Variants in CNTN5 observed in about 807,000 individuals in gnomAD.
CNTN5 encodes the protein contactin-5.
A neutral mutation model predicts 129.1 loss-of-function variants in CNTN5; 77 were observed. The observed-to-expected ratio is 0.60, with a 90% CI of 0.50 to 0.72. The LOEUF (loss-of-function observed/expected upper bound fraction) is 0.72, where lower values mean the gene tolerates loss of function less well. Among genes scored for constraint, CNTN5 ranks in the 30% least tolerant of loss-of-function variants. The pLI is 0.00. For synonymous variants in CNTN5, 509 were observed against 465.6 expected, an observed-to-expected ratio of 1.09 and a Z score of -1.20; for missense variants, 1,478 against 1,328.8, an observed-to-expected ratio of 1.11 and a Z score of -1.75.
intron 7 of CNTN5, among the ~76,000 whole-genome samples, chr11:99,943,003 T>G (rs140767855): frequency 0.015 from 2,313 of 152,232 alleles, 58 homozygotes; most frequent in African/African-American, 0.053. Context: ...AGTGCTCCAA[T>G]AAACATACAT....
rs11221990 is a variant in CNTN5, at chr11:99,944,292, C to A, written c.674-12514C>A. Among the ~76,000 whole-genome samples the A allele has an allele frequency of 1.8e-3, 271 of 152,100 alleles. 1 individual carries two copies. Among genetic ancestry groups the A allele is most frequent in the African/African-American group, 6.3e-3 (263 of 41,524 alleles). ...CTAGAGAAGCAAGAGCAAACAAATTCAAAAGCTAGCAGGAGACAAGAAATA... is the reference window on the plus strand; with the variant it reads ...CTAGAGAAGCAAGAGCAAACAAATTAAAAAGCTAGCAGGAGACAAGAAATA... On this transcript the variant is annotated intron_variant, in intron 7 of 24. Coordinates refer to ENST00000524871, the MANE Select transcript of CNTN5 (RefSeq NM_014361.4).
intron 1 of CNTN5, among the ~76,000 whole-genome samples, chr11:99,274,147 T>A (rs1863312350): frequency 6.6e-6 from 1 of 151,776 alleles, no homozygotes; most frequent in South Asian, 2.1e-4. Flanking sequence ...CACAGAATGT[T>A]CCATTTTGCA....
intron 21 of CNTN5, among the ~76,000 whole-genome samples, chr11:100,338,608 G>C (rs926560128): frequency 2.0e-5 from 3 of 152,218 alleles, no homozygotes; most frequent in African/African-American, 7.2e-5. Flanking sequence ...ACTTGTGACA[G>C]GAGTGACCCC....
At chr11:99,795,986 G>GGCACA (rs1321098561) in intron 3 of CNTN5, among the ~76,000 whole-genome samples, 1 of 152,212 alleles carries the variant, frequency 6.6e-6, no homozygotes, top group Non-Finnish European at 1.5e-5. Flanking sequence ...AGAGGGTGGA[G>GGCACA]TGCATGTGCA....
intron 2 of CNTN5, among the ~76,000 whole-genome samples, chr11:99,503,223 T>C (rs1946490937): frequency 6.6e-6 from 1 of 152,166 alleles, no homozygotes; most frequent in African/African-American, 2.4e-5. Context: ...TGTCATTCCA[T>C]GCCCACCATG....
intron 2 of CNTN5, among the ~76,000 whole-genome samples, chr11:99,461,163 G>A (rs961540450): frequency 6.6e-6 from 1 of 151,978 alleles, no homozygotes; most frequent in Non-Finnish European, 1.5e-5. Flanking sequence ...TTAAAATGTA[G>A]ATGATATATA....
intron 8 of CNTN5, among the ~76,000 whole-genome samples, chr11:100,001,469 G>A (rs1171563190): frequency 6.6e-6 from 1 of 152,142 alleles, no homozygotes; most frequent in East Asian, 1.9e-4. Context: ...CCTCATTCAT[G>A]GCAATGATCA....
At chr11:99,545,831 TC>T (rs1183878570) in intron 2 of CNTN5, among the ~76,000 whole-genome samples, 1 of 152,194 alleles carries the variant, frequency 6.6e-6, no homozygotes, top group African/African-American at 2.4e-5. Flanking sequence ...AGTCCCCTTT[TC>T]CGTAAGTTGC....
intron 13 of CNTN5, among the ~76,000 whole-genome samples, chr11:100,168,769 G>A (rs1439082142): frequency 6.6e-6 from 1 of 151,990 alleles, no homozygotes; most frequent in African/African-American, 2.4e-5. Flanking sequence ...TAAGGCTTAA[G>A]CTAACATAGA....
intron 1 of CNTN5, among the ~76,000 whole-genome samples, chr11:99,219,814 A>G (rs1860311505): frequency 6.6e-6 from 1 of 152,012 alleles, no homozygotes. Context: ...CAGTTTGTAG[A>G]TTACGGCAGG....
At position 100,103,400 on chromosome 11, in the gene CNTN5, G is replaced by T. The variant is rs987182934; in HGVS notation, c.1580+29106G>T. ...TTCTGAACAATCCATGTCTTGGAGC[G>T]CATCATGTACTAATGTTGCTCTGAC... On this transcript the variant is annotated intron_variant, in intron 13 of 24. Transcript: ENST00000524871. 3.9e-5 allele frequency among the ~76,000 whole-genome samples: 6 copies of T among 152,178 alleles called. No individual in the cohort carries two copies. The South Asian group carries it at 1.0e-3, about 26-fold the overall frequency.
intron 3 of CNTN5, among the ~76,000 whole-genome samples, chr11:99,770,360 A>G (rs1158232988): frequency 6.6e-6 from 1 of 152,092 alleles, no homozygotes. Context: ...CTCATAAGAG[A>G]TCATTTTCAT....
rs914069378 is a variant in CNTN5 at position 99,984,123 on chromosome 11, A to T, written c.878-17911A>T. ...TTTCTACTAAAAATACACACAAAAA[A>T]TTTTTTAGCTGGGCATGGTGGTACA... On this transcript the variant is annotated intron_variant, in intron 8 of 24. Transcript: ENST00000524871. Among the ~76,000 whole-genome samples the T allele has an allele frequency of 5.9e-5, 9 of 152,078 alleles. No individual in the cohort carries two copies. The East Asian group carries it at 7.8e-4, about 13-fold the overall frequency.
chr11:99,650,390 C>T (rs1952110272), intron 3 of CNTN5, among the ~76,000 whole-genome samples: 1 of 151,814 alleles, frequency 6.6e-6, no homozygotes, highest in African/African-American at 2.4e-5. Context: ...GATTATAAAG[C>T]TATGATAACA....
chr11:99,162,496 G>C (rs1034987813), intron 1 of CNTN5, among the ~76,000 whole-genome samples: 1 of 151,892 alleles, frequency 6.6e-6, no homozygotes, highest in African/African-American at 2.4e-5. Context: ...ATCTATCTCT[G>C]GATTTCAATC....
At chr11:99,571,947 T>C (rs1949188263) in intron 3 of CNTN5, among the ~76,000 whole-genome samples, 1 of 152,206 alleles carries the variant, frequency 6.6e-6, no homozygotes, top group South Asian at 2.1e-4. Flanking sequence ...CTTCATATAA[T>C]ATACATAAAT....
intron 2 of CNTN5, among the ~76,000 whole-genome samples, chr11:99,452,211 A>C (rs1446141273): frequency 6.6e-6 from 1 of 152,054 alleles, no homozygotes; most frequent in Admixed American, 6.6e-5. Flanking sequence ...AAAATACTGT[A>C]TACAATTGAA....
intron 7 of CNTN5, among the ~76,000 whole-genome samples, chr11:99,940,349 T>C (rs1244431110): frequency 6.6e-6 from 1 of 152,122 alleles, no homozygotes; most frequent in Non-Finnish European, 1.5e-5. Context: ...GCTGACTCTT[T>C]GAAATAAAGA....
chr11:99,628,633 CA>C (rs1951221630), intron 3 of CNTN5, among the ~76,000 whole-genome samples: 1 of 150,544 alleles, frequency 6.6e-6, no homozygotes, highest in Non-Finnish European at 1.5e-5. Flanking sequence ...CACACACACA[CA>C]CACACACACA....
Sources: allele counts gnomAD v4.1 joint callset (sites outside exome capture counted in the v4.1 genomes callset), GRCh38; gene constraint gnomAD v4.1.1; transcripts MANE v1.5; gene names NCBI Gene and HGNC (gene_info 2026-07-23, HGNC 2026-07-21).